Variants in UROD observed in about 807,000 individuals in gnomAD.
UROD encodes the protein uroporphyrinogen III decarboxylase.
A neutral mutation model predicts 47.1 loss-of-function variants in UROD; 34 were observed. The observed-to-expected ratio is 0.72, with a 90% CI of 0.55 to 0.96. The LOEUF (loss-of-function observed/expected upper bound fraction) is 0.96, where lower values mean the gene tolerates loss of function less well. UROD is among the 40% of genes least tolerant of loss of function. The pLI is 0.00. For synonymous variants in UROD, 148 were observed against 175.8 expected, an observed-to-expected ratio of 0.84 and a Z score of 1.25; for missense variants, 381 against 471.8, an observed-to-expected ratio of 0.81 and a Z score of 1.78.
In UROD at chr1:45,014,656, G is replaced by A. The variant is rs1232733275; in HGVS notation, c.774+80G>A. The A allele has an allele frequency of 1.9e-6, 3 of 1,613,612 alleles. No homozygotes were observed. In the Admixed American group the frequency reaches 5.0e-5, roughly 27 times the overall value. ...TCCTGCATGGACTGGAGTGACCACT[G>A]GAGGGCAGCAGAAGTACAGTCAAGA... On this transcript the variant is annotated intron_variant, in intron 7 of 9. Transcript: ENST00000246337.
intron 1 of UROD, 148 bp downstream of exon 1, chr1:45,012,433 T>A (rs1032099231): frequency 5.0e-6 from 6 of 1,192,572 alleles, no homozygotes; most frequent in Non-Finnish European, 7.4e-6. Context: ...CCTAAAACCA[T>A]GGATTTTTGA....
chr1:45,012,862 A>G, intron 1 of UROD, 45 bp from the exon 2 acceptor site: 1 of 1,610,914 alleles, frequency 6.2e-7, no homozygotes, highest in Non-Finnish European at 8.5e-7. Flanking sequence ...CCCAGCCTCC[A>G]GCGTAGCATA....
At position 45,013,952 on chromosome 1, in the gene UROD, C is replaced by A. The variant is rs1190014573; in HGVS notation, c.518C>A (p.Thr173Asn). The change falls in exon 6 of 10, where the codon ACC becomes AAC. Residue 173 changes from threonine (T) to asparagine (N), a missense_variant. Coordinates refer to ENST00000246337, the MANE Select transcript of UROD (RefSeq NM_000374.5). This position sits in a 1 kb window ranked among gnomAD's most constrained non-coding sequence, Gnocchi z 4.2. ...ATGGTTGAGGGTGGTGGCTCAAGCACCATGGCTCAGGCCAAGCGCTGGCTC... is the reference window on the plus strand; with the variant it reads ...ATGGTTGAGGGTGGTGGCTCAAGCAACATGGCTCAGGCCAAGCGCTGGCTC... ...TYMVEGGGSSTMAQAKRWLYQ... is the reference protein window; with the variant it reads ...TYMVEGGGSSNMAQAKRWLYQ... 1 of 1,614,122 alleles carries A rather than the reference C, an allele frequency of 6.2e-7. No homozygotes were observed. The highest frequency in any genetic ancestry group is 1.3e-5 in the African/African-American group (1 of 74,944).
At position 45,012,971 on chromosome 1, in the gene UROD, G is replaced by C. The variant is rs778919542; in HGVS notation, c.85G>C (p.Asp29His). The C allele has an allele frequency of 4.5e-5, 72 of 1,613,832 alleles. No individual in the cohort carries two copies. Among genetic ancestry groups the C allele is most frequent in the Non-Finnish European group, 6.0e-5 (71 of 1,179,998 alleles). ...FLRAAWGEET[D>H]YTPVWCMRQA... ...GCGAGCAGCCTGGGGAGAGGAAACA[G>C]ACTACACTCCCGTTTGGTGCATGCG... Residue 29 changes from aspartate to histidine, a missense_variant, in exon 2 of 10, where the codon GAC (aspartate) becomes CAC (histidine). By Grantham distance (81) the Asp-to-His change is moderately conservative. Transcript: ENST00000246337.
chr1:45,014,395 C>A, intron 6 of UROD, 44 bp from the exon 7 acceptor site: 2 of 1,613,568 alleles, frequency 1.2e-6, no homozygotes, highest in South Asian at 1.1e-5. Context: ...GGGGAAACTT[C>A]CTCTTTGTGT....
chr1:45,014,989 G>T lies in UROD; in HGVS notation c.925G>T (p.Ala309Ser). Residue 309 changes from alanine to serine, a missense_variant, in exon 9 of 10, where the codon GCC (alanine) becomes TCC (serine). Transcript: ENST00000246337. ...ATTGCAGGGCAACCTGGACCCCTGT[G>T]CCTTGTATGCATCTGAGGTAACAGC... Reference protein sequence around the residue: ...VTLQGNLDPCALYASEEEIGQ... With the variant: ...VTLQGNLDPCSLYASEEEIGQ... The T allele has an allele frequency of 6.2e-7, 1 of 1,613,930 alleles. No individual in the cohort carries two copies. Among genetic ancestry groups the T allele is most frequent in the Non-Finnish European group, 8.5e-7 (1 of 1,180,024 alleles).
intron 7 of UROD, 59 bp downstream of exon 7, chr1:45,014,635 G>T: frequency 6.2e-7 from 1 of 1,613,732 alleles, no homozygotes; most frequent in South Asian, 1.1e-5. Context: ...GCTAAGTCCT[G>T]CATGGACTGG....
chr1:45,014,137 T>G, intron 6 of UROD, 67 bp downstream of exon 6: 2 of 1,609,766 alleles, frequency 1.2e-6, no homozygotes, highest in Non-Finnish European at 1.7e-6. Flanking sequence ...AAGAGTGTCC[T>G]AAACCTGAGA....
Position 45,013,967 on chromosome 1 carries a change from A to G in UROD, c.533A>G (p.Lys178Arg). ...GGCTCAAGCACCATGGCTCAGGCCA[A>G]GCGCTGGCTCTATCAGAGACCTCAG... ...GGGSSTMAQA[K>R]RWLYQRPQAS... is the part of the protein sequence containing the mutation. The change falls in exon 6 of 10, where the codon AAG becomes AGG. Residue 178 changes from lysine (K) to arginine (R), a missense_variant. Physicochemically the swap from Lys to Arg is conservative, Grantham distance 26. Coordinates refer to ENST00000246337, the MANE Select transcript of UROD (RefSeq NM_000374.5). This position sits in a 1 kb window ranked among gnomAD's most constrained non-coding sequence, Gnocchi z 4.2. The G allele has an allele frequency of 6.2e-7, 1 of 1,614,260 alleles. No individual in the cohort carries two copies. Among genetic ancestry groups the G allele is most frequent in the Non-Finnish European group, 8.5e-7 (1 of 1,180,056 alleles).
chr1:45,012,279 G>T lies in UROD; in HGVS notation c.14G>T (p.Gly5Val). 6.2e-7 allele frequency: 1 copy of T among 1,614,054 alleles called. No homozygotes were observed. Among genetic ancestry groups the T allele is most frequent in the Non-Finnish European group, 8.5e-7 (1 of 1,180,030 alleles). Residue 5 changes from glycine (G) to valine (V), a missense_variant, in exon 1 of 10, where the codon GGG becomes GTG. By Grantham distance (109) the Gly-to-Val change is moderately radical. Coordinates refer to ENST00000246337, the MANE Select transcript of UROD (RefSeq NM_000374.5). MEAN[G>V]LGPQGFPELK... ...AGACAGCTGACCATGGAAGCGAATG[G>T]GTTGGGGTGAGTTCTCCAGAGCACG... is the stretch of plus-strand genomic sequence containing the variant.
chr1:45,013,862 A>C lies in UROD; in HGVS notation c.475-47A>C, dbSNP rs149068653. On this transcript the variant is annotated intron_variant, in intron 5 of 9. Transcript: ENST00000246337. This position sits in a 1 kb window ranked among gnomAD's most constrained non-coding sequence, Gnocchi z 4.2. ...TGGAAGGTCTGGGGTAGACAAAAGG[A>C]AGGGTCAGTCTGGCTTCTGTGACAC... is the stretch of plus-strand genomic sequence containing the variant. 3.2e-5 allele frequency: 51 copies of C among 1,614,154 alleles called. No homozygotes were observed. In the Middle Eastern group the frequency reaches 1.2e-3, roughly 37 times the overall value.
chr1:45,013,240 A>G lies in UROD; in HGVS notation c.213+25A>G. The G allele has an allele frequency of 6.2e-7, 1 of 1,614,176 alleles. No homozygotes were observed. Among genetic ancestry groups the G allele is most frequent in the African/African-American group, 1.3e-5 (1 of 75,034 alleles). On this transcript the variant is annotated intron_variant, in intron 3 of 9. Transcript: ENST00000246337. This position sits in a 1 kb window ranked among gnomAD's most constrained non-coding sequence, Gnocchi z 4.2. ...GGTGAGGGGTCCACAAAAGAGGGAA[A>G]GATTTATGCCTTCAGTCTGCCACCT...
Position 45,013,535 on chromosome 1 carries a change from A to G in UROD, c.277-59A>G, listed in dbSNP as rs1054360734. 8.1e-6 allele frequency: 13 copies of G among 1,612,654 alleles called. No individual in the cohort carries two copies. The highest frequency in any genetic ancestry group is 3.3e-5 in the Admixed American group (2 of 59,834). On this transcript the variant is annotated intron_variant, in intron 4 of 9. Transcript: ENST00000246337. The surrounding 1 kb of genome is among the most constrained non-coding windows in gnomAD (Gnocchi z 4.2). ...TTTTCCTTCCTCCTGGAATGAGCTG[A>G]ACAGAACCTTTCCTCCTGGATTCCA...
chr1:45,012,305 C>T lies in UROD; in HGVS notation c.20+20C>T. On this transcript the variant is annotated intron_variant, in intron 1 of 9. Coordinates refer to ENST00000246337, the MANE Select transcript of UROD (RefSeq NM_000374.5). ...GTTGGGGTGAGTTCTCCAGAGCACGCGGTGTGGCTAGCCGGGCTTCTAATT... is the reference window on the plus strand; with the variant it reads ...GTTGGGGTGAGTTCTCCAGAGCACGTGGTGTGGCTAGCCGGGCTTCTAATT... 6.2e-7 allele frequency: 1 copy of T among 1,614,094 alleles called. No individual in the cohort carries two copies. The highest frequency in any genetic ancestry group is 8.5e-7 in the Non-Finnish European group (1 of 1,180,014).
chr1:45,013,682 G>A lies in UROD; in HGVS notation c.365G>A (p.Arg122Gln), dbSNP rs111369324. 2.7e-4 allele frequency: 439 copies of A among 1,614,152 alleles called. No homozygotes were observed. The African/African-American group carries it at 5.1e-3, about 19-fold the overall frequency. ...LREEQDLERL[R>Q]DPEVVASELG... ...GAAGAGCAGGACCTAGAACGCCTAC[G>A]GGATCCAGAAGTGGTAGCCTCTGAG... is the stretch of plus-strand genomic sequence containing the variant. Residue 122 changes from arginine (R) to glutamine (Q), a missense_variant, in exon 5 of 10, where the codon CGG (arginine) becomes CAG (glutamine). Transcript: ENST00000246337. The surrounding 1 kb of genome is among the most constrained non-coding windows in gnomAD (Gnocchi z 4.2).
Position 45,014,536 on chromosome 1 carries a change from A to G in UROD, c.734A>G (p.Lys245Arg). Residue 245 changes from lysine (K) to arginine (R), a missense_variant, in exon 7 of 10, where the codon AAG (lysine) becomes AGG (arginine). Lys to Arg is a conservative substitution (Grantham distance 26, BLOSUM62 2). Transcript: ENST00000246337. ...ATCCGTGATGTGGCCAAGCAAGTGA[A>G]GGCCAGGTTGCGGGAGGCAGGCCTG... ...PYIRDVAKQV[K>R]ARLREAGLAP... The G allele has an allele frequency of 6.2e-7, 1 of 1,614,244 alleles. No individual in the cohort carries two copies. Among genetic ancestry groups the G allele is most frequent in the Non-Finnish European group, 8.5e-7 (1 of 1,180,054 alleles).
intron 1 of UROD, chr1:45,012,629 G>A: frequency 1.6e-6 from 1 of 639,364 alleles, no homozygotes; most frequent in East Asian, 2.8e-5. Flanking sequence ...ACTATCCTTA[G>A]TGGGCCTTCA....
At position 45,014,714 on chromosome 1, in the gene UROD, C is replaced by T. The variant is rs2234481; in HGVS notation, c.775-22C>T. On this transcript the variant is annotated intron_variant, in intron 7 of 9. Coordinates refer to ENST00000246337, the MANE Select transcript of UROD (RefSeq NM_000374.5). ...GTGGTTGTAGCAAGGCCCTCTGTAG[C>T]CTGAGATCTGCTTTTTTCTAGATCA... The T allele has an allele frequency of 2.2e-3, 3,503 of 1,614,058 alleles. 75 individuals are homozygous for T. In the African/African-American group the frequency reaches 0.042, roughly 20 times the overall value.
Position 45,013,386 on chromosome 1 carries a change from T to C in UROD, c.276+32T>C, listed in dbSNP as rs755515829. The C allele has an allele frequency of 3.7e-6, 6 of 1,613,948 alleles. No homozygotes were observed. Among genetic ancestry groups the C allele is most frequent in the Non-Finnish European group, 4.2e-6 (5 of 1,179,884 alleles). ...ACTCAAACCTGATCCTAGAATATAATCCAAGGACGCCTTGAAAATCCTTCT... is the reference window on the plus strand; with the variant it reads ...ACTCAAACCTGATCCTAGAATATAACCCAAGGACGCCTTGAAAATCCTTCT... On this transcript the variant is annotated intron_variant, in intron 4 of 9. Coordinates refer to ENST00000246337, the MANE Select transcript of UROD (RefSeq NM_000374.5). This position sits in a 1 kb window ranked among gnomAD's most constrained non-coding sequence, Gnocchi z 4.2.
Sources: gnomAD v4.1 joint callset for allele counts on GRCh38, gnomAD v4.1.1 for gene constraint, Gnocchi (gnomAD v3.1) non-coding constraint, MANE v1.5 for transcripts, NCBI Gene and HGNC (gene_info 2026-07-23, HGNC 2026-07-21) for gene names.